DCDC1: variants seen among roughly 807,000 people sequenced by gnomAD.
DCDC1 encodes the protein doublecortin domain-containing protein 1.
DCDC1 carries 200 observed loss-of-function variants against 178.3 expected under a neutral mutation model. The observed-to-expected ratio is 1.12, with a 90% confidence interval of 1.00 to 1.26. The LOEUF (loss-of-function observed/expected upper bound fraction) is 1.26, where lower values mean the gene tolerates loss of function less well. Ranked by LOEUF, DCDC1 falls within the 50% of genes most tolerant of loss-of-function variation. The pLI is 0.00. For missense variants in DCDC1, 1,983 were observed against 1,749.2 expected, an observed-to-expected ratio of 1.13 and a Z score of -2.38; for synonymous variants, 690 against 604.8, an observed-to-expected ratio of 1.14 and a Z score of -2.07.
chr11:31,114,155 C>T (rs1959483296), intron 11 of DCDC1, among the ~76,000 whole-genome samples: 1 of 152,164 alleles, frequency 6.6e-6, no homozygotes. Context: ...GATTCCACTA[C>T]ACCCAACTCA....
chr11:30,939,521 C>G (rs1369883382), intron 21 of DCDC1, among the ~76,000 whole-genome samples: 2 of 152,230 alleles, frequency 1.3e-5, no homozygotes. Context: ...CCTCACCACA[C>G]AAGTCCCTCT....
chr11:31,339,390 A>G (rs1950432043), intron 1 of DCDC1, among the ~76,000 whole-genome samples: 1 of 152,208 alleles, frequency 6.6e-6, no homozygotes, highest in African/African-American at 2.4e-5. Flanking sequence ...TAGACATCCT[A>G]GCTTCCAGAA....
intron 27 of DCDC1, among the ~76,000 whole-genome samples, chr11:30,914,285 C>T (rs920768188): frequency 2.0e-5 from 3 of 152,210 alleles, no homozygotes; most frequent in Non-Finnish European, 4.4e-5. Context: ...TTCTCCTTGC[C>T]GGAGGCTTTG....
At chr11:31,124,694 T>A (rs572251689) in intron 11 of DCDC1, among the ~76,000 whole-genome samples, 2 of 152,290 alleles carry the variant, frequency 1.3e-5, no homozygotes, top group Admixed American at 1.3e-4. Flanking sequence ...AAAGATTCCC[T>A]ATTCAATAAA....
At chr11:30,958,036 G>T (rs1948870193) in intron 20 of DCDC1, among the ~76,000 whole-genome samples, 1 of 152,162 alleles carries the variant, frequency 6.6e-6, no homozygotes, top group Non-Finnish European at 1.5e-5. Flanking sequence ...ACTTGGATGT[G>T]TCCCTGAAGG....
At chr11:31,052,273 G>A (rs1955309065) in intron 20 of DCDC1, among the ~76,000 whole-genome samples, 1 of 152,114 alleles carries the variant, frequency 6.6e-6, no homozygotes, top group Non-Finnish European at 1.5e-5. Context: ...TTATATAATG[G>A]TAAAAGGCCT....
rs1421910247 is a variant in DCDC1, at chr11:31,329,147, A to G, written c.-6-861T>C. 2.0e-5 allele frequency among the ~76,000 whole-genome samples: 3 copies of G among 152,068 alleles called. No homozygotes were observed. In the East Asian group the frequency reaches 5.8e-4, roughly 30 times the overall value. On this transcript the variant is annotated intron_variant, in intron 2 of 38. Transcript: ENST00000684477. ...TGGTAAATCAGAGTCCTGATGAAGA[A>G]AGCAAGCAGGGCTCTATTCTCCTGG...
intron 38 of DCDC1, among the ~76,000 whole-genome samples, chr11:30,870,285 T>C (rs1439294698): frequency 2.0e-5 from 3 of 152,126 alleles, no homozygotes; most frequent in Non-Finnish European, 2.9e-5. Flanking sequence ...GTTAAATGTA[T>C]AGATGTGGCC....
At chr11:30,948,469 A>G (rs1948199570) in intron 21 of DCDC1, among the ~76,000 whole-genome samples, 1 of 152,194 alleles carries the variant, frequency 6.6e-6, no homozygotes, top group Non-Finnish European at 1.5e-5. Flanking sequence ...CCATCAAGCT[A>G]CCACTGACTT....
chr11:31,349,353 C>A (rs559370974), intron 1 of DCDC1, among the ~76,000 whole-genome samples: 1 of 152,126 alleles, frequency 6.6e-6, no homozygotes, highest in Admixed American at 6.6e-5. Context: ...AACCACTTTG[C>A]GAATTCCTGA....
chr11:30,883,043 T>C (rs1942830422), intron 36 of DCDC1: 1 of 152,606 alleles, frequency 6.6e-6, no homozygotes, highest in South Asian at 2.1e-4. Flanking sequence ...AGGGACTGGG[T>C]ATTTTTCTAA....
intron 11 of DCDC1, among the ~76,000 whole-genome samples, chr11:31,119,600 A>G (rs1222682485): frequency 1.3e-5 from 2 of 152,246 alleles, no homozygotes; most frequent in East Asian, 3.8e-4. Flanking sequence ...GACCTTAGTT[A>G]TCATTTAATT....
chr11:31,343,775 C>T (rs997387206), intron 1 of DCDC1, among the ~76,000 whole-genome samples: 4 of 151,964 alleles, frequency 2.6e-5, no homozygotes, highest in African/African-American at 9.7e-5. Flanking sequence ...AAAAAATTAG[C>T]TGGGGGTGGT....
Position 31,109,960 on chromosome 11 carries a change from C to CT in DCDC1, c.1587+299dup, listed in dbSNP as rs1555060832. Among the ~76,000 whole-genome samples, 13 of 152,040 alleles carry CT rather than the reference C, an allele frequency of 8.6e-5. 1 individual carries two copies. Among genetic ancestry groups the CT allele is most frequent in the African/African-American group, 2.2e-4 (9 of 41,488 alleles). On this transcript the variant is annotated intron_variant, in intron 12 of 38. Transcript: ENST00000684477. ...GGCATACCCTCCACTGAATATATCA[C>CT]TTTTTTTTACTGTAAACAAGAGGGA...
intron 21 of DCDC1, among the ~76,000 whole-genome samples, chr11:30,941,364 GC>G (rs1947629943): frequency 1.3e-5 from 2 of 152,066 alleles, no homozygotes; most frequent in Non-Finnish European, 2.9e-5. Context: ...GACATGGAAG[GC>G]CCTGCATGAT....
At chr11:31,202,762 CAG>C (rs1284066327) in intron 9 of DCDC1, among the ~76,000 whole-genome samples, 5 of 152,138 alleles carry the variant, frequency 3.3e-5, no homozygotes, top group African/African-American at 1.2e-4. Flanking sequence ...TGGAAGCAGA[CAG>C]AGTTTGTTGA....
At chr11:30,907,233 C>A (rs1945129905) in intron 29 of DCDC1, among the ~76,000 whole-genome samples, 1 of 152,104 alleles carries the variant, frequency 6.6e-6, no homozygotes, top group Admixed American at 6.5e-5. Flanking sequence ...AAACCCCAAG[C>A]AAATAAAAAC....
intron 9 of DCDC1, among the ~76,000 whole-genome samples, chr11:31,174,228 C>T (rs1448717049): frequency 6.6e-6 from 1 of 152,230 alleles, no homozygotes; most frequent in Non-Finnish European, 1.5e-5. Context: ...CCCTACCAAG[C>T]CCCTGCAGGC....
At chr11:31,261,134 T>C (rs1423170668) in intron 8 of DCDC1, among the ~76,000 whole-genome samples, 1 of 152,184 alleles carries the variant, frequency 6.6e-6, no homozygotes, top group Non-Finnish European at 1.5e-5. Context: ...TGCCCATTCC[T>C]TAAAGGAAGC....
Sources: allele counts gnomAD v4.1 joint callset (sites outside exome capture counted in the v4.1 genomes callset), GRCh38; gene constraint gnomAD v4.1.1; transcripts MANE v1.5; gene names NCBI Gene and HGNC (gene_info 2026-07-23, HGNC 2026-07-21).